The following SH3D19 variants were observed in gnomAD, a reference collection of about 807,000 sequenced individuals.
SH3D19 encodes SH3 domain containing 19.
A neutral mutation model predicts 112.1 loss-of-function variants in SH3D19; 58 were observed. The observed-to-expected ratio is 0.52, with a 90% CI of 0.42 to 0.64. SH3D19 has a LOEUF of 0.64. Among genes scored for constraint, SH3D19 ranks in the 30% least tolerant of loss-of-function variants. SH3D19 has a pLI of 0.00. For missense variants in SH3D19, 1,090 were observed against 1,263.4 expected (o/e 0.86, Z 2.08); for synonymous variants, 391 against 448.5 (o/e 0.87, Z 1.62).
At chr4:151,277,122 G>A in intron 1 of SH3D19, 1 of 1,325,738 alleles carries the variant, frequency 7.5e-7, no homozygotes, top group Non-Finnish European at 9.8e-7. Flanking sequence ...CTCTTCCTGG[G>A]AGCCTGAGTC....
Position 151,140,151 on chromosome 4 carries a change from C to T in SH3D19, c.2224-304G>A, listed in dbSNP as rs955761416. On this transcript the variant is annotated intron_variant, in intron 12 of 19. Transcript: ENST00000604030. Reference sequence around the variant, plus strand: ...CTGTTTATTTATTTTGAAACAGTATCTATTCTACCCCAAAGTAGTGGTTTT... The same window carrying T: ...CTGTTTATTTATTTTGAAACAGTATTTATTCTACCCCAAAGTAGTGGTTTT... The T allele has an allele frequency of 4.9e-5, 13 of 267,518 alleles. No individual in the cohort carries two copies. The South Asian group carries it at 7.8e-4, about 16-fold the overall frequency. 16.6% of individuals were successfully genotyped at this position (267,518 alleles called of 1,614,324 possible). A position where few individuals can be genotyped will look rare whatever the true frequency, so the allele number is the denominator to read the frequency against.
intron 8 of SH3D19, among the ~76,000 whole-genome samples, chr4:151,162,204 G>C (rs531556480): frequency 1.4e-5 from 2 of 145,634 alleles, no homozygotes; most frequent in African/African-American, 5.2e-5. Flanking sequence ...CTGTGTCCAC[G>C]TGTTCTCACT....
At chr4:151,290,528 T>C (rs1384614036) in intron 1 of SH3D19, among the ~76,000 whole-genome samples, 1 of 152,172 alleles carries the variant, frequency 6.6e-6, no homozygotes, top group Non-Finnish European at 1.5e-5. Context: ...TTGGCCTAGC[T>C]GGGAGGGTTG....
At chr4:151,188,778 T>C (rs1762169694) in intron 2 of SH3D19, among the ~76,000 whole-genome samples, 1 of 152,210 alleles carries the variant, frequency 6.6e-6, no homozygotes, top group Non-Finnish European at 1.5e-5. Context: ...GGTTGAAGCA[T>C]ATCCTCCCTC....
Position 151,159,346 on chromosome 4 carries a change from T to C in SH3D19, c.1649A>G (p.His550Arg), listed in dbSNP as rs911619626. 1.9e-6 allele frequency: 3 copies of C among 1,563,276 alleles called. No homozygotes were observed. The highest frequency in any genetic ancestry group is 1.4e-5 in the African/African-American group (1 of 72,366). The change falls in exon 9 of 20, where the codon CAT becomes CGT. Residue 550 changes from histidine (H) to arginine (R), a missense_variant. His to Arg is a conservative substitution (Grantham distance 29, BLOSUM62 0). Coordinates refer to ENST00000604030, the MANE Select transcript of SH3D19 (RefSeq NM_001378122.1). ...RIPAKPGKCL[H>R]EDPQSPPPLP... The stretch of plus-strand genomic sequence containing the variant: ...AGGAGGTGGACTTTGTGGATCCTCA[T>C]GTAAACCTGGAAAAAGTAGCAGTAA...
intron 2 of SH3D19, among the ~76,000 whole-genome samples, chr4:151,221,750 T>C (rs1369630613): frequency 2.6e-5 from 4 of 152,230 alleles, no homozygotes; most frequent in Non-Finnish European, 5.9e-5. Context: ...AACTTGACAG[T>C]ATAAATAAGA....
At chr4:151,192,403 T>C (rs1375816657) in intron 2 of SH3D19, among the ~76,000 whole-genome samples, 5 of 152,208 alleles carry the variant, frequency 3.3e-5, no homozygotes, top group African/African-American at 7.2e-5. Context: ...ATATATATCA[T>C]AGTACTGGGC....
intron 2 of SH3D19, among the ~76,000 whole-genome samples, chr4:151,217,269 A>T (rs1340364616): frequency 1.3e-5 from 2 of 152,218 alleles, no homozygotes; most frequent in African/African-American, 2.4e-5. Flanking sequence ...GCTTTTAGCT[A>T]ATCTATTTAA....
At chr4:151,256,462 A>T (rs62328351) in intron 1 of SH3D19, among the ~76,000 whole-genome samples, 1 of 151,764 alleles carries the variant, frequency 6.6e-6, no homozygotes, top group Non-Finnish European at 1.5e-5. Context: ...AAATACTTCA[A>T]TTAAATTAGT....
intron 1 of SH3D19, among the ~76,000 whole-genome samples, chr4:151,259,159 C>T (rs563501524): frequency 1.3e-5 from 2 of 152,194 alleles, no homozygotes; most frequent in East Asian, 1.9e-4. Flanking sequence ...ACTCTGTCTT[C>T]CCCATTTCAT....
intron 3 of SH3D19, among the ~76,000 whole-genome samples, chr4:151,182,508 G>A (rs1349221806): frequency 6.6e-6 from 1 of 152,206 alleles, no homozygotes; most frequent in Non-Finnish European, 1.5e-5. Context: ...TGGCACTGCC[G>A]CTGAAGAACA....
At chr4:151,236,100 T>TC (rs1288480515) in intron 1 of SH3D19, among the ~76,000 whole-genome samples, 1 of 152,220 alleles carries the variant, frequency 6.6e-6, no homozygotes, top group Non-Finnish European at 1.5e-5. Context: ...CTAGCAGCCC[T>TC]CGTTCACTCT....
intron 2 of SH3D19, among the ~76,000 whole-genome samples, chr4:151,212,971 G>A (rs750584348): frequency 1.6e-4 from 25 of 152,164 alleles, no homozygotes; most frequent in Non-Finnish European, 2.4e-4. Context: ...GACTTTGAGG[G>A]GTTCAAGACT....
chr4:151,134,806 C>T (rs975921748), intron 15 of SH3D19, among the ~76,000 whole-genome samples: 8 of 152,066 alleles, frequency 5.3e-5, no homozygotes, highest in African/African-American at 1.2e-4. Flanking sequence ...TAAAAAGACA[C>T]GATGAGAATC....
chr4:151,299,107 G>A (rs1295168528), intron 1 of SH3D19, among the ~76,000 whole-genome samples: 1 of 152,040 alleles, frequency 6.6e-6, no homozygotes, highest in Non-Finnish European at 1.5e-5. Flanking sequence ...TTTAAAATTA[G>A]TTTATGATAA....
chr4:151,318,375 G>GTAATTCAT (rs1379138379), intron 1 of SH3D19, among the ~76,000 whole-genome samples: 2 of 149,142 alleles, frequency 1.3e-5, no homozygotes, highest in Admixed American at 1.3e-4. Flanking sequence ...CCATGTTAAA[G>GTAATTCAT]TAATTCATAT....
At chr4:151,149,923 C>T (rs1754620338) in intron 9 of SH3D19, among the ~76,000 whole-genome samples, 1 of 151,806 alleles carries the variant, frequency 6.6e-6, no homozygotes, top group African/African-American at 2.4e-5. Flanking sequence ...CGGTGGCTCA[C>T]GCCTGTAATC....
At chr4:151,233,406 C>T in intron 1 of SH3D19, among the ~76,000 whole-genome samples, 1 of 152,126 alleles carries the variant, frequency 6.6e-6, no homozygotes, top group East Asian at 1.9e-4. Context: ...AGGTGTTTGC[C>T]AGGCTACATT....
intron 13 of SH3D19, among the ~76,000 whole-genome samples, chr4:151,138,556 G>T (rs867305344): frequency 6.6e-6 from 1 of 151,746 alleles, no homozygotes; most frequent in Non-Finnish European, 1.5e-5. Flanking sequence ...AATTAGCCAG[G>T]TGTAGTGGCA....
Sources: gnomAD v4.1 joint callset for allele counts (sites outside exome capture counted in the v4.1 genomes callset) on GRCh38, gnomAD v4.1.1 for gene constraint, MANE v1.5 for transcripts, NCBI Gene and HGNC (gene_info 2026-07-23, HGNC 2026-07-21) for gene names.